Variants in NFIC observed in about 807,000 individuals in gnomAD.
NFIC encodes nuclear factor 1 C-type.
In NFIC, 12 loss-of-function variants were observed where a neutral mutation model predicts 54.4. The observed-to-expected ratio is 0.22, with a 90% CI of 0.14 to 0.36. The LOEUF is 0.36. NFIC is among the 10% of genes least tolerant of loss of function. NFIC has a pLI of 1.00. For synonymous variants in NFIC, 322 were observed against 319.2 expected, an observed-to-expected ratio of 1.01 and a Z score of -0.09; for missense variants, 575 against 718.2, an observed-to-expected ratio of 0.80 and a Z score of 2.28.
At chr19:3,412,830 G>T (rs1031755988) in intron 2 of NFIC, among the ~76,000 whole-genome samples, 1 of 152,198 alleles carries the variant, frequency 6.6e-6, no homozygotes. Context: ...GGCCCCAGGT[G>T]GGGGTGCTCT....
At chr19:3,399,197 C>T (rs1355242823) in intron 2 of NFIC, among the ~76,000 whole-genome samples, 1 of 152,126 alleles carries the variant, frequency 6.6e-6, no homozygotes, top group Non-Finnish European at 1.5e-5. Context: ...CAGGTGGCAT[C>T]CCCTCTCTGG....
In NFIC at chr19:3,382,053, G is replaced by T. The variant is rs199785054; in HGVS notation, c.372G>T (p.Ala124=). ...KMRRIDCLRQ[A]DKVWRLDLVM... is the part of the protein sequence containing the mutation. ...GGCGCATCGACTGTCTCCGGCAGGC[G>T]GACAAGGTGTGGCGGCTGGACCTGG... Residue 124 remains alanine (A), a synonymous_variant, in exon 2 of 11, where the codon GCG becomes GCT. Transcript: ENST00000443272. 6.2e-7 allele frequency: 1 copy of T among 1,613,308 alleles called. No individual in the cohort carries two copies. The highest frequency in any genetic ancestry group is 1.3e-5 in the African/African-American group (1 of 74,956).
intron 9 of NFIC, chr19:3,454,285 G>A: frequency 4.6e-6 from 5 of 1,086,676 alleles, no homozygotes; most frequent in Non-Finnish European, 5.6e-6. Context: ...CCCCCAGACT[G>A]GTCTTTTGTT....
chr19:3,462,884 G>A lies in NFIC; in HGVS notation c.*115G>A. The A allele has an allele frequency of 6.3e-7, 1 of 1,584,482 alleles. No individual in the cohort carries two copies. The highest frequency in any genetic ancestry group is 8.6e-7 in the Non-Finnish European group (1 of 1,169,024). ...AATTAGAGTGAACAAGAACACCCCT[G>A]CCGACTCCCAGCCCGGCCAAAAAGA... is the stretch of plus-strand genomic sequence containing the variant. On this transcript the variant is annotated 3_prime_UTR_variant, in exon 11 of 11. Coordinates refer to ENST00000443272, the MANE Select transcript of NFIC (RefSeq NM_001245002.2).
At chr19:3,377,333 C>CAAAA (rs71164684) in intron 1 of NFIC, among the ~76,000 whole-genome samples, 768 of 57,618 alleles carry the variant, frequency 0.013, 73 homozygotes, top group Non-Finnish European at 0.017. Flanking sequence ...GACTCTGTCT[C>CAAAA]AAAAAAAAAA....
intron 2 of NFIC, among the ~76,000 whole-genome samples, chr19:3,390,962 A>G (rs1400024434): frequency 6.6e-6 from 1 of 152,146 alleles, no homozygotes; most frequent in Non-Finnish European, 1.5e-5. Flanking sequence ...GTACAACCCT[A>G]TGAATACGCT....
chr19:3,405,472 C>T (rs1366387344), intron 2 of NFIC, among the ~76,000 whole-genome samples: 1 of 152,172 alleles, frequency 6.6e-6, no homozygotes, highest in Non-Finnish European at 1.5e-5. Flanking sequence ...TTAGTGAGGT[C>T]ACACAGCACT....
chr19:3,419,762 G>A (rs2081923581), intron 2 of NFIC, among the ~76,000 whole-genome samples: 1 of 149,800 alleles, frequency 6.7e-6, no homozygotes, highest in Admixed American at 6.7e-5. Context: ...TCGCACCATT[G>A]CACTCCAGCC....
intron 6 of NFIC, among the ~76,000 whole-genome samples, chr19:3,438,565 G>A (rs1170333741): frequency 6.6e-6 from 1 of 151,712 alleles, no homozygotes; most frequent in Admixed American, 6.6e-5. Context: ...AGCCTCCCGA[G>A]TAGCTGGGAC....
Position 3,443,848 on chromosome 19 carries a change from C to G in NFIC, c.959-5166C>G, listed in dbSNP as rs530491048. On this transcript the variant is annotated intron_variant, in intron 6 of 10. Coordinates refer to ENST00000443272, the MANE Select transcript of NFIC (RefSeq NM_001245002.2). ...TAGAGAATGATCCGGTCCCAAATGT[C>G]CACAGGGCCCAGAGGAGACCTTGGT... is the stretch of plus-strand genomic sequence containing the variant. Among the ~76,000 whole-genome samples, 6 of 152,286 alleles carry G rather than the reference C, an allele frequency of 3.9e-5. 1 individual carries two copies. The highest frequency in any genetic ancestry group is 1.4e-4 in the African/African-American group (6 of 41,560).
At position 3,382,020 on chromosome 19, in the gene NFIC, C is replaced by A; in HGVS notation, c.339C>A (p.Gly113=). 1 of 1,613,588 alleles carries A rather than the reference C, an allele frequency of 6.2e-7. No homozygotes were observed. The highest frequency in any genetic ancestry group is 8.5e-7 in the Non-Finnish European group (1 of 1,179,940). The change falls in exon 2 of 11, where the codon GGC becomes GGA. Residue 113 remains glycine (G), a synonymous_variant. Transcript: ENST00000443272. ...GCVLSNPDQK[G]KMRRIDCLRQ... ...TGCTCTCCAACCCCGACCAGAAGGG[C>A]AAGATGCGGCGCATCGACTGTCTCC...
At chr19:3,435,299 G>A in intron 6 of NFIC, 92 bp downstream of exon 6, 1 of 1,433,982 alleles carries the variant, frequency 7.0e-7, no homozygotes, top group Non-Finnish European at 9.2e-7. Flanking sequence ...CGGGCGCCGC[G>A]GGGCAGGAAG....
chr19:3,393,834 A>T (rs1287364114), intron 2 of NFIC, among the ~76,000 whole-genome samples: 2 of 151,484 alleles, frequency 1.3e-5, no homozygotes, highest in Non-Finnish European at 2.9e-5. Flanking sequence ...AAAAAAAAAA[A>T]AAAGAGTTCC....
chr19:3,453,838 C>T lies in NFIC; in HGVS notation c.1345C>T (p.Leu449=), dbSNP rs1480479552. The T allele has an allele frequency of 6.3e-7, 1 of 1,585,966 alleles. No individual in the cohort carries two copies. The highest frequency in any genetic ancestry group is 1.4e-5 in the African/African-American group (1 of 73,800). The change falls in exon 9 of 11, where the codon CTG becomes TTG. Residue 449 remains leucine, a synonymous_variant. Transcript: ENST00000443272. The surrounding 1 kb of genome is among the most constrained non-coding windows in gnomAD (Gnocchi z 6.7). ...GATGCTGGCACCTCCGCCCCCGGGG[C>T]TGCCACGGCTGGCGCTCCCCCCTGC... is the stretch of plus-strand genomic sequence containing the variant. ...AQMLAPPPPG[L]PRLALPPATK...
intron 2 of NFIC, among the ~76,000 whole-genome samples, chr19:3,419,426 A>G (rs1421913940): frequency 6.6e-6 from 1 of 151,904 alleles, no homozygotes; most frequent in African/African-American, 2.4e-5. Context: ...GTGAGCCATG[A>G]TTGTGCCACT....
rs116669109 is a variant in NFIC, at chr19:3,463,904, C to T, written c.*1135C>T. On this transcript the variant is annotated 3_prime_UTR_variant, in exon 11 of 11. Coordinates refer to ENST00000443272, the MANE Select transcript of NFIC (RefSeq NM_001245002.2). ...GACACGGAATGGCCGCGGGCCTCCTCCCCCTCCCCTCCAGCCTCTCCACCA... is the reference window on the plus strand; with the variant it reads ...GACACGGAATGGCCGCGGGCCTCCTTCCCCTCCCCTCCAGCCTCTCCACCA... 1.3e-3 allele frequency: 1,280 copies of T among 948,932 alleles called. 11 individuals are homozygous for T. In the African/African-American group the frequency reaches 0.017, roughly 13 times the overall value. 58.8% of individuals were successfully genotyped at this position (948,932 alleles called of 1,614,324 possible).
At chr19:3,402,312 A>G (rs887533831) in intron 2 of NFIC, among the ~76,000 whole-genome samples, 2 of 152,222 alleles carry the variant, frequency 1.3e-5, no homozygotes, top group African/African-American at 4.8e-5. Flanking sequence ...AGCCTCCCAC[A>G]GTGCTGGGAT....
chr19:3,396,572 G>A (rs983631049), intron 2 of NFIC, among the ~76,000 whole-genome samples: 10 of 152,028 alleles, frequency 6.6e-5, no homozygotes, highest in East Asian at 3.9e-4. Flanking sequence ...ACCACCAGGC[G>A]TCCCTTCTGG....
At chr19:3,454,019 A>G (rs7259563) in intron 9 of NFIC, 103 bp downstream of exon 9, 202,315 of 1,395,198 alleles carry the variant, frequency 0.15, 18,383 homozygotes, top group African/African-American at 0.39. Flanking sequence ...CCGACCCTGC[A>G]GGGCCTGGCG....
Sources: gnomAD v4.1 joint callset for allele counts (sites outside exome capture counted in the v4.1 genomes callset) on GRCh38, gnomAD v4.1.1 for gene constraint, Gnocchi (gnomAD v3.1) non-coding constraint, MANE v1.5 for transcripts, NCBI Gene and HGNC (gene_info 2026-07-23, HGNC 2026-07-21) for gene names.